The following CCDC158 variants were observed in gnomAD, a reference collection of about 807,000 sequenced individuals.
CCDC158 encodes the protein coiled-coil domain containing 158, also known as coiled-coil domain-containing protein 158.
In CCDC158, 116 loss-of-function variants were observed where a neutral mutation model predicts 138.6. That is an observed-to-expected ratio of 0.84 (90% CI 0.72 to 0.98). CCDC158 has a LOEUF of 0.98. Ranked by LOEUF, CCDC158 falls within the 50% of genes least tolerant of loss-of-function variation. The pLI is 0.00. For missense variants in CCDC158, 1,265 were observed against 1,306.1 expected (o/e 0.97, Z 0.48); for synonymous variants, 436 against 442.4 (o/e 0.99, Z 0.18).
rs980805187 is a variant in CCDC158 at position 76,331,420 on chromosome 4, G to A, written c.2883-17C>T. 13 of 1,607,490 alleles carry A rather than the reference G, an allele frequency of 8.1e-6. No individual in the cohort carries two copies. The highest frequency in any genetic ancestry group is 1.1e-5 in the Non-Finnish European group (13 of 1,174,262). ...TTGTTGCTTCTGTTGGTAGAGGGATGGGAGAAATCACAGTTTAAATAATGT... is the reference window on the plus strand; with the variant it reads ...TTGTTGCTTCTGTTGGTAGAGGGATAGGAGAAATCACAGTTTAAATAATGT... On this transcript the variant is annotated splice_polypyrimidine_tract_variant and intron_variant, in intron 20 of 24. Coordinates refer to ENST00000682701, the MANE Select transcript of CCDC158 (RefSeq NM_001394954.1).
At chr4:76,401,215 AAAAC>A (rs1728355256) in intron 3 of CCDC158, 2 of 353,074 alleles carry the variant, frequency 5.7e-6, no homozygotes, top group South Asian at 5.0e-5. Context: ...GCTTAAAAGA[AAAAC>A]AAACTTCTTC....
At chr4:76,391,546 A>G (rs1727310367) in intron 4 of CCDC158, among the ~76,000 whole-genome samples, 1 of 151,720 alleles carries the variant, frequency 6.6e-6, no homozygotes, top group African/African-American at 2.4e-5. Context: ...AGAGGGAAAT[A>G]TATAGCTATT....
At chr4:76,383,601 AAC>A (rs767396721) in intron 7 of CCDC158, 59 bp downstream of exon 7, 4 of 1,230,222 alleles carry the variant, frequency 3.3e-6, no homozygotes, top group Non-Finnish European at 4.8e-6. Context: ...TTGTGGCCGA[AAC>A]ACTGTAAAAC....
intron 2 of CCDC158, among the ~76,000 whole-genome samples, chr4:76,405,670 C>T (rs771336153): frequency 2.6e-5 from 4 of 151,570 alleles, no homozygotes; most frequent in Non-Finnish European, 2.9e-5. Context: ...TAACTAAAAA[C>T]GGAAGGAAGA....
chr4:76,375,576 T>C lies in CCDC158; in HGVS notation c.1029+3714A>G, dbSNP rs7668893. The C allele has an allele frequency of 9.4e-3, 6,627 of 702,564 alleles. 301 individuals carry two copies. The African/African-American group carries it at 0.1, about 11-fold the overall frequency. 43.5% of individuals were successfully genotyped at this position (702,564 alleles called of 1,614,324 possible). On this transcript the variant is annotated intron_variant, in intron 9 of 24. Transcript: ENST00000682701. Reference sequence around the variant, plus strand: ...CTGCTTTCAAAGTAGTAAAAATAAATGCTGAATCAACATCAGGAGATATTT... The same window carrying C: ...CTGCTTTCAAAGTAGTAAAAATAAACGCTGAATCAACATCAGGAGATATTT...
chr4:76,323,455 T>C (rs750032163), intron 23 of CCDC158, 46 bp from the exon 24 acceptor site: 1 of 1,393,364 alleles, frequency 7.2e-7, no homozygotes, highest in Admixed American at 2.3e-5. Context: ...CTACTCAACA[T>C]TTCCTTTTAG....
rs558757010 is a variant in CCDC158 at position 76,317,517 on chromosome 4, C to T, written c.3278-4271G>A. Among the ~76,000 whole-genome samples the T allele has an allele frequency of 3.9e-5, 6 of 152,182 alleles. No individual in the cohort carries two copies. In the East Asian group the frequency reaches 1.2e-3, roughly 29 times the overall value. On this transcript the variant is annotated intron_variant, in intron 24 of 24. Transcript: ENST00000682701. Reference sequence around the variant, plus strand: ...CTAGACCTAATAAATGCAATAGATGCTAATACAATAATAGTGGAGGACTTC... The same window carrying T: ...CTAGACCTAATAAATGCAATAGATGTTAATACAATAATAGTGGAGGACTTC...
At chr4:76,400,330 T>C (rs6841721) in intron 3 of CCDC158, among the ~76,000 whole-genome samples, 129,245 of 150,248 alleles carry the variant, frequency 0.86, 55,795 homozygotes, top group South Asian at 0.97. Flanking sequence ...CGCATGTTCT[T>C]ACTCGTAGAT....
At position 76,357,545 on chromosome 4, in the gene CCDC158, A is replaced by T. The variant is rs1343552845; in HGVS notation, c.2021-19T>A. 1 of 1,425,238 alleles carries T rather than the reference A, an allele frequency of 7.0e-7. No homozygotes were observed. The highest frequency in any genetic ancestry group is 9.4e-7 in the Non-Finnish European group (1 of 1,067,714). 88.3% of individuals were successfully genotyped at this position (1,425,238 alleles called of 1,614,324 possible). On this transcript the variant is annotated intron_variant, in intron 13 of 24. Transcript: ENST00000682701. ...TACTCCTCTATACAATGTGATAATC[A>T]ATAATAGATGGTTACTTTTTTCTAT...
chr4:76,382,811 A>G (rs1251697712), intron 7 of CCDC158, 91 bp from the exon 8 acceptor site: 7 of 845,592 alleles, frequency 8.3e-6, no homozygotes, highest in Non-Finnish European at 1.1e-5. Flanking sequence ...AATACTCTCA[A>G]ATTTAGTATT....
At chr4:76,350,276 C>T (rs1390463135) in intron 18 of CCDC158, among the ~76,000 whole-genome samples, 1 of 152,034 alleles carries the variant, frequency 6.6e-6, no homozygotes, top group African/African-American at 2.4e-5. Context: ...TGAGAGGATT[C>T]CATTTTAGTC....
chr4:76,338,632 G>C (rs1195842112), intron 18 of CCDC158, among the ~76,000 whole-genome samples: 3 of 152,360 alleles, frequency 2.0e-5, no homozygotes, highest in Non-Finnish European at 4.4e-5. Context: ...TAACAATTAA[G>C]CTGCATCTGG....
intron 7 of CCDC158, among the ~76,000 whole-genome samples, chr4:76,383,426 A>ATCTC (rs147610626): frequency 3.1e-4 from 46 of 150,554 alleles, no homozygotes; most frequent in Non-Finnish European, 4.9e-4. Context: ...GCTGAGCTTA[A>ATCTC]TCTCTCTCTC....
chr4:76,348,268 CA>C lies in CCDC158; in HGVS notation c.2664+2727del, dbSNP rs11453657. On this transcript the variant is annotated intron_variant, in intron 18 of 24. Coordinates refer to ENST00000682701, the MANE Select transcript of CCDC158 (RefSeq NM_001394954.1). ...TGAAACCCCGTCTCTACTAAATATA[CA>C]AAAAAAAAAAAAAAAATTAGCCAGG... Among the ~76,000 whole-genome samples the C allele has an allele frequency of 9.3e-4, 117 of 125,922 alleles. 1 individual carries two copies. In the East Asian group the frequency reaches 9.6e-3, roughly 10 times the overall value. The allele number at this position is 125,922 out of a possible 152,430, so 82.6% of individuals were successfully genotyped here.
chr4:76,417,051 G>C (rs772675941), intron 1 of CCDC158, among the ~76,000 whole-genome samples: 8 of 152,198 alleles, frequency 5.3e-5, no homozygotes, highest in Non-Finnish European at 5.9e-5. Context: ...GAGAGAGGCT[G>C]TACCCTGCAA....
At position 76,351,111 on chromosome 4, in the gene CCDC158, C is replaced by T. The variant is rs766585104; in HGVS notation, c.2549G>A (p.Gly850Asp). ...QHTLDIKELQGPGYTSNSSLK... is the reference protein window; with the variant it reads ...QHTLDIKELQDPGYTSNSSLK... ...TGAAGAATTTGAGGTGTATCCAGGG[C>T]CCTGAAGTTCCTGGAAAACAATATA... The change falls in exon 18 of 25, where the codon GGC becomes GAC. Residue 850 changes from glycine to aspartate, a missense_variant. Physicochemically the swap from Gly to Asp is moderately conservative, Grantham distance 94. Transcript: ENST00000682701. 6.2e-7 allele frequency: 1 copy of T among 1,612,512 alleles called. No homozygotes were observed. Among genetic ancestry groups the T allele is most frequent in the Admixed American group, 1.7e-5 (1 of 59,798 alleles).
intron 2 of CCDC158, among the ~76,000 whole-genome samples, chr4:76,405,940 T>C (rs1288694189): frequency 6.6e-6 from 1 of 151,964 alleles, no homozygotes; most frequent in Non-Finnish European, 1.5e-5. Context: ...ATTCAGTAAT[T>C]ACACCCACAA....
chr4:76,319,953 G>T (rs563959676), intron 24 of CCDC158, among the ~76,000 whole-genome samples: 1 of 152,072 alleles, frequency 6.6e-6, no homozygotes, highest in Non-Finnish European at 1.5e-5. Flanking sequence ...GCAGTCAGAC[G>T]AGAGAAAGAA....
intron 13 of CCDC158, among the ~76,000 whole-genome samples, chr4:76,360,264 G>C (rs1248726956): frequency 4.6e-5 from 7 of 152,242 alleles, no homozygotes; most frequent in African/African-American, 7.2e-5. Context: ...GCAGAAGTCT[G>C]CTGCAGGAGC....
Sources: allele counts gnomAD v4.1 joint callset (sites outside exome capture counted in the v4.1 genomes callset), GRCh38; gene constraint gnomAD v4.1.1; transcripts MANE v1.5; gene names NCBI Gene and HGNC (gene_info 2026-07-23, HGNC 2026-07-21).